Variants in PDE4D observed in about 807,000 individuals in gnomAD.
PDE4D encodes the protein phosphodiesterase 4D.
Under a neutral mutation model 87.4 loss-of-function variants are expected in PDE4D, and 24 were observed. The ratio of observed to expected loss-of-function variants is 0.27; its 90% CI spans 0.20 to 0.39. The LOEUF (loss-of-function observed/expected upper bound fraction) is 0.39. PDE4D is among the 10% of genes least tolerant of loss of function. The pLI is 1.00. For missense variants in PDE4D, 714 were observed against 1,041.0 expected, an observed-to-expected ratio of 0.69 and a Z score of 4.32; for synonymous variants, 384 against 383.2, an observed-to-expected ratio of 1.00 and a Z score of -0.02.
intron 1 of PDE4D, among the ~76,000 whole-genome samples, chr5:60,463,566 C>A (rs1450846071): frequency 6.6e-6 from 1 of 152,108 alleles, no homozygotes; most frequent in East Asian, 1.9e-4. Context: ...ACCTTTCTAC[C>A]CTTAGTAAAC....
intron 2 of PDE4D, among the ~76,000 whole-genome samples, chr5:60,116,932 T>A (rs527669486): frequency 6.6e-6 from 1 of 152,096 alleles, no homozygotes; most frequent in Non-Finnish European, 1.5e-5. Context: ...GATTATGAGA[T>A]CTGAATAAAA....
chr5:59,953,752 G>T (rs529972271), intron 3 of PDE4D, among the ~76,000 whole-genome samples: 1 of 152,200 alleles, frequency 6.6e-6, no homozygotes, highest in South Asian at 2.1e-4. Flanking sequence ...TGACTAAAAA[G>T]TAGCAATACT....
chr5:59,293,915 T>C (rs1768539722), intron 1 of PDE4D, among the ~76,000 whole-genome samples: 1 of 152,110 alleles, frequency 6.6e-6, no homozygotes, highest in Non-Finnish European at 1.5e-5. Context: ...TCTGCAACAG[T>C]ATGAAAAGGT....
intron 1 of PDE4D, among the ~76,000 whole-genome samples, chr5:59,528,498 TA>T (rs1054721634): frequency 1.3e-5 from 2 of 152,118 alleles, no homozygotes; most frequent in African/African-American, 4.8e-5. Context: ...CCCTTTTAGT[TA>T]AGTGCAGGAT....
At chr5:60,424,396 C>A (rs37696) in intron 1 of PDE4D, among the ~76,000 whole-genome samples, 53,312 of 151,966 alleles carry the variant, frequency 0.35, 9,936 homozygotes, top group South Asian at 0.51. Flanking sequence ...ATCAATAAAC[C>A]TAATCCATCA....
chr5:60,173,783 G>A (rs1171300123), intron 2 of PDE4D, among the ~76,000 whole-genome samples: 1 of 152,078 alleles, frequency 6.6e-6, no homozygotes, highest in Non-Finnish European at 1.5e-5. Flanking sequence ...ATATTTTAAT[G>A]AGAACCATCT....
At chr5:59,318,442 A>T (rs977987259) in intron 1 of PDE4D, among the ~76,000 whole-genome samples, 1 of 152,150 alleles carries the variant, frequency 6.6e-6, no homozygotes, top group African/African-American at 2.4e-5. Flanking sequence ...AAAGTTCTGT[A>T]CAATCTCCTT....
chr5:59,898,485 G>A (rs1305387851), upstream of PDE4D, among the ~76,000 whole-genome samples: 1 of 152,204 alleles, frequency 6.6e-6, no homozygotes, highest in African/African-American at 2.4e-5. Context: ...AGCTCAGTGA[G>A]TCCTCACCAA....
At chr5:59,690,109 G>A (rs1244345823) in intron 1 of PDE4D, among the ~76,000 whole-genome samples, 1 of 152,136 alleles carries the variant, frequency 6.6e-6, no homozygotes. Context: ...TCATAGATAG[G>A]AAGAATCAAT....
In PDE4D at chr5:60,199,663, G is replaced by A. The variant is rs182197295; in HGVS notation, c.-89-13976C>T. On this transcript the variant is annotated intron_variant, in intron 1 of 16. Transcript: ENST00000502484. Reference sequence around the variant, plus strand: ...AATTCACTAAAGAAGTAATATAAGCGAAAGCATATAAATGAAAAAGTAAAA... The same window carrying A: ...AATTCACTAAAGAAGTAATATAAGCAAAAGCATATAAATGAAAAAGTAAAA... 4.0e-3 allele frequency among the ~76,000 whole-genome samples: 608 copies of A among 151,646 alleles called. 19 individuals carry two copies. Among genetic ancestry groups the A allele is most frequent in the Admixed American group, 7.5e-3 (114 of 15,208 alleles).
chr5:59,019,639 C>T (rs1454720509), intron 6 of PDE4D, among the ~76,000 whole-genome samples: 2 of 152,160 alleles, frequency 1.3e-5, no homozygotes, highest in African/African-American at 2.4e-5. Flanking sequence ...CCTTATCCAG[C>T]CCCTGGAATA....
At chr5:59,388,750 AC>A (rs1309244270) in intron 1 of PDE4D, among the ~76,000 whole-genome samples, 1 of 152,080 alleles carries the variant, frequency 6.6e-6, no homozygotes, top group Non-Finnish European at 1.5e-5. Flanking sequence ...TGACAGATAT[AC>A]CATGAATGAC....
At chr5:59,804,769 C>T (rs1767555124) in intron 1 of PDE4D, among the ~76,000 whole-genome samples, 1 of 152,038 alleles carries the variant, frequency 6.6e-6, no homozygotes, top group Non-Finnish European at 1.5e-5. Flanking sequence ...CTGGGTGTGC[C>T]AATAGCGTTG....
At chr5:60,085,653 G>A (rs1376948146) in intron 2 of PDE4D, among the ~76,000 whole-genome samples, 6 of 152,154 alleles carry the variant, frequency 3.9e-5, no homozygotes, top group African/African-American at 1.4e-4. Flanking sequence ...TCCTACTCAT[G>A]ACGAGGTGAG....
intron 1 of PDE4D, among the ~76,000 whole-genome samples, chr5:59,771,469 GAAAGAA>G (rs1347656070): frequency 1.8e-3 from 160 of 88,894 alleles, no homozygotes; most frequent in Middle Eastern, 5.5e-3. Flanking sequence ...AAGAAAGAAA[GAAAGAA>G]AGAAAGAAAG....
intron 1 of PDE4D, among the ~76,000 whole-genome samples, chr5:59,585,533 A>G (rs932269674): frequency 6.6e-6 from 1 of 152,182 alleles, no homozygotes; most frequent in Admixed American, 6.5e-5. Context: ...TCTGCTATGA[A>G]AGTCAGAATC....
chr5:59,817,742 A>ACC (rs567130519), intron 1 of PDE4D, among the ~76,000 whole-genome samples: 5,812 of 121,772 alleles, frequency 0.048, 505 homozygotes, highest in Non-Finnish European at 0.075. Flanking sequence ...ACACACCCAC[A>ACC]CCCCCCCCCA....
At chr5:60,199,171 G>A (rs1741619528) in intron 1 of PDE4D, among the ~76,000 whole-genome samples, 1 of 151,672 alleles carries the variant, frequency 6.6e-6, no homozygotes, top group African/African-American at 2.4e-5. Flanking sequence ...TGTGAATTGT[G>A]ACACCAACTC....
rs6896428 is a variant in PDE4D at position 59,773,627 on chromosome 5, A to C, written c.455+119541T>G. Among the ~76,000 whole-genome samples the C allele has an allele frequency of 5.4e-3, 828 of 152,280 alleles. 6 individuals are homozygous for C. Among genetic ancestry groups the C allele is most frequent in the Non-Finnish European group, 8.4e-3 (569 of 68,012 alleles). ...ATATACCTGTCTTCTTTCAATATGA[A>C]GAAATTTTAATTAAACTCCATGATA... On this transcript the variant is annotated intron_variant, in intron 1 of 14. Coordinates refer to ENST00000340635, the MANE Select transcript of PDE4D (RefSeq NM_001104631.2).
Sources: allele counts gnomAD v4.1 joint callset (sites outside exome capture counted in the v4.1 genomes callset), GRCh38; gene constraint gnomAD v4.1.1; transcripts MANE v1.5; gene names NCBI Gene and HGNC (gene_info 2026-07-23, HGNC 2026-07-21).